The following SLC24A3 variants were observed in gnomAD, a reference collection of about 807,000 sequenced individuals.
SLC24A3 encodes the protein solute carrier family 24 member 3.
In SLC24A3, 28 loss-of-function variants were observed where a neutral mutation model predicts 75.8. That is an observed-to-expected ratio of 0.37 (90% confidence interval 0.27 to 0.51). The LOEUF is 0.51. SLC24A3 is among the 20% of genes least tolerant of loss of function. The pLI, the probability that SLC24A3 is intolerant of heterozygous loss-of-function variation, is 0.94. For synonymous variants in SLC24A3, 372 were observed against 334.1 expected (o/e 1.11, Z -1.24); for missense variants, 663 against 847.8 (o/e 0.78, Z 2.71).
At chr20:19,223,924 A>T (rs1045021252) in intron 1 of SLC24A3, among the ~76,000 whole-genome samples, 4 of 152,262 alleles carry the variant, frequency 2.6e-5, no homozygotes, top group African/African-American at 7.2e-5. Flanking sequence ...TTTATGTCCC[A>T]GGCGGGACAG....
intron 2 of SLC24A3, among the ~76,000 whole-genome samples, chr20:19,403,426 G>A (rs1419665043): frequency 6.6e-6 from 1 of 152,152 alleles, no homozygotes; most frequent in Non-Finnish European, 1.5e-5. Flanking sequence ...TAATACATAT[G>A]AGGTCAACTC....
chr20:19,251,800 TGAG>T (rs2122180590), intron 1 of SLC24A3, among the ~76,000 whole-genome samples: 2 of 152,202 alleles, frequency 1.3e-5, no homozygotes, highest in South Asian at 4.1e-4. Context: ...GCCCTGGAGT[TGAG>T]GAGCAGTCAT....
intron 2 of SLC24A3, among the ~76,000 whole-genome samples, chr20:19,501,060 T>C (rs1226458009): frequency 6.6e-6 from 1 of 152,208 alleles, no homozygotes; most frequent in Non-Finnish European, 1.5e-5. Flanking sequence ...CCTGCAATGA[T>C]ACATAAGTAC....
At chr20:19,234,506 C>T (rs955710823) in intron 1 of SLC24A3, among the ~76,000 whole-genome samples, 6 of 152,160 alleles carry the variant, frequency 3.9e-5, no homozygotes, top group African/African-American at 1.4e-4. Flanking sequence ...GAAGCACAGG[C>T]TACTTTATTG....
At position 19,679,591 on chromosome 20, in the gene SLC24A3, A is replaced by G. The variant is rs112830662; in HGVS notation, c.768-2267A>G. ...GGAGACGGAGACGGAGACCGTGGGG[A>G]GAGGGAGAGGGAGAGGGAGACTCAC... On this transcript the variant is annotated intron_variant, in intron 9 of 16. Coordinates refer to ENST00000328041, the MANE Select transcript of SLC24A3 (RefSeq NM_020689.4). Among the ~76,000 whole-genome samples the G allele has an allele frequency of 3.6e-3, 546 of 151,146 alleles. 3 individuals carry two copies. The highest frequency in any genetic ancestry group is 0.012 in the African/African-American group (489 of 40,878).
At chr20:19,326,063 G>A (rs1984852800) in intron 2 of SLC24A3, among the ~76,000 whole-genome samples, 1 of 151,756 alleles carries the variant, frequency 6.6e-6, no homozygotes, top group Admixed American at 6.6e-5. Context: ...GAGCATTTTG[G>A]GTATTGTATT....
rs370198022 is a variant in SLC24A3 at position 19,465,684 on chromosome 20, A to C, written c.272-49804A>C. ...TTAGCAGACAAAATTGATGTGGCTC[A>C]GCAGGTTCCCCTTTGTCATAGATGT... On this transcript the variant is annotated intron_variant, in intron 2 of 16. Transcript: ENST00000328041. 3.9e-5 allele frequency among the ~76,000 whole-genome samples: 6 copies of C among 152,202 alleles called. No homozygotes were observed. In the East Asian group the frequency reaches 5.8e-4, roughly 15 times the overall value.
At chr20:19,634,488 A>T (rs1161549720) in intron 6 of SLC24A3, among the ~76,000 whole-genome samples, 4 of 152,200 alleles carry the variant, frequency 2.6e-5, no homozygotes, top group Non-Finnish European at 5.9e-5. Context: ...ATCAGTTTTA[A>T]TAATAATAAT....
intron 6 of SLC24A3, among the ~76,000 whole-genome samples, chr20:19,641,737 T>G (rs2032077273): frequency 6.6e-6 from 1 of 152,208 alleles, no homozygotes; most frequent in Non-Finnish European, 1.5e-5. Flanking sequence ...ACAGCTCAGC[T>G]AAATCAGAAT....
chr20:19,633,432 G>C (rs1480172035), intron 6 of SLC24A3, among the ~76,000 whole-genome samples: 1 of 151,904 alleles, frequency 6.6e-6, no homozygotes, highest in African/African-American at 2.4e-5. Context: ...GGCGGATCAC[G>C]AGGTCAGGAG....
At chr20:19,477,756 A>G (rs996010013) in intron 2 of SLC24A3, among the ~76,000 whole-genome samples, 3 of 152,114 alleles carry the variant, frequency 2.0e-5, no homozygotes, top group African/African-American at 7.2e-5. Flanking sequence ...CTCCTCTGAC[A>G]ATTTCTCCCA....
chr20:19,317,549 C>T (rs1984613843), intron 2 of SLC24A3, among the ~76,000 whole-genome samples: 1 of 152,236 alleles, frequency 6.6e-6, no homozygotes, highest in Non-Finnish European at 1.5e-5. Context: ...CCTTCTCAGG[C>T]CACCCCTCAC....
chr20:19,494,176 A>G (rs1359883981), intron 2 of SLC24A3, among the ~76,000 whole-genome samples: 1 of 152,200 alleles, frequency 6.6e-6, no homozygotes, highest in African/African-American at 2.4e-5. Context: ...TTATCTGAGT[A>G]CTTAGACCCT....
At position 19,414,578 on chromosome 20, in the gene SLC24A3, C is replaced by T. The variant is rs540974190; in HGVS notation, c.272-100910C>T. ...CACTACATATCATTTTATATATTTT[C>T]AAAACCGTAAAGAGACTGGAAGAAA... On this transcript the variant is annotated intron_variant, in intron 2 of 16. Coordinates refer to ENST00000328041, the MANE Select transcript of SLC24A3 (RefSeq NM_020689.4). Among the ~76,000 whole-genome samples the T allele has an allele frequency of 1.1e-3, 165 of 152,240 alleles. 1 individual carries two copies. Among genetic ancestry groups the T allele is most frequent in the African/African-American group, 3.8e-3 (159 of 41,546 alleles).
In SLC24A3 at chr20:19,561,554, T is replaced by C. The variant is rs2030875411; in HGVS notation, c.349-18446T>C. Among the ~76,000 whole-genome samples the C allele has an allele frequency of 2.0e-5, 3 of 152,140 alleles. No homozygotes were observed. In the South Asian group the frequency reaches 6.2e-4, roughly 31 times the overall value. ...GTCGAAGAATAAGCCTGCTGACCTT[T>C]CCTGGTGATTTTGTAAAGAAGAACA... On this transcript the variant is annotated intron_variant, in intron 3 of 16. Coordinates refer to ENST00000328041, the MANE Select transcript of SLC24A3 (RefSeq NM_020689.4).
chr20:19,231,029 T>C (rs1423889786), intron 1 of SLC24A3, among the ~76,000 whole-genome samples: 1 of 152,248 alleles, frequency 6.6e-6, no homozygotes, highest in Admixed American at 6.5e-5. Context: ...TTACACCTGT[T>C]TCTATGGTTT....
At chr20:19,255,674 G>A (rs1038216136) in intron 1 of SLC24A3, among the ~76,000 whole-genome samples, 1 of 152,190 alleles carries the variant, frequency 6.6e-6, no homozygotes, top group African/African-American at 2.4e-5. Context: ...TGTCCAATAC[G>A]GGAGCCATGA....
chr20:19,335,093 C>T (rs568381341), intron 2 of SLC24A3, among the ~76,000 whole-genome samples: 2 of 152,254 alleles, frequency 1.3e-5, no homozygotes, highest in South Asian at 4.1e-4. Flanking sequence ...GACTGAAGAA[C>T]TAAATTTTTA....
chr20:19,459,244 A>G (rs1316242037), intron 2 of SLC24A3, among the ~76,000 whole-genome samples: 1 of 152,252 alleles, frequency 6.6e-6, no homozygotes, highest in Non-Finnish European at 1.5e-5. Flanking sequence ...AACCCTAAAC[A>G]TGTTGGCCGG....
Sources: allele counts gnomAD v4.1 joint callset (sites outside exome capture counted in the v4.1 genomes callset), GRCh38; gene constraint gnomAD v4.1.1; transcripts MANE v1.5; gene names NCBI Gene and HGNC (gene_info 2026-07-23, HGNC 2026-07-21).